Variants in ARSA observed in about 807,000 individuals in gnomAD.
ARSA encodes the protein arylsulfatase A, also known as cerebroside-sulfatase.
ARSA carries 32 observed loss-of-function variants against 37.8 expected under a neutral mutation model. That is an observed-to-expected ratio of 0.85 (90% confidence interval 0.64 to 1.14). The LOEUF (loss-of-function observed/expected upper bound fraction) is 1.14. Among genes scored for constraint, ARSA ranks in the 50% most tolerant of loss-of-function variants. ARSA has a pLI of 0.00. For synonymous variants in ARSA, 303 were observed against 303.4 expected (o/e 1.00, Z 0.01); for missense variants, 685 against 686.3 (o/e 1.00, Z 0.02).
At position 50,625,899 on chromosome 22, in the gene ARSA, G is replaced by A. The variant is rs1042800997; in HGVS notation, c.1107+37C>T. On this transcript the variant is annotated intron_variant, in intron 6 of 7. Coordinates refer to ENST00000216124, the MANE Select transcript of ARSA (RefSeq NM_000487.6). ...TCACCCCAGGGGAAGGCCAGGACAG[G>A]GGCCAAGGATCTGGGATCAGGGGTC... 5.1e-6 allele frequency: 8 copies of A among 1,563,484 alleles called. No individual in the cohort carries two copies. In the Admixed American group the frequency reaches 1.4e-4, roughly 27 times the overall value.
chr22:50,627,603 C>T lies in ARSA; in HGVS notation c.177G>A (p.Leu59=), dbSNP rs892265629. The change falls in exon 1 of 8, where the codon CTG becomes CTA. Residue 59 remains leucine, a synonymous_variant. Transcript: ENST00000216124. ...CAGGCACGTAGAAGTCTGTGAACCG[C>T]AGCCCTCCCGCCGCCAGCTGGTCCA... is the stretch of plus-strand genomic sequence containing the variant. ...PNLDQLAAGG[L]RFTDFYVPVS... 1 of 1,563,626 alleles carries T rather than the reference C, an allele frequency of 6.4e-7. No individual in the cohort carries two copies. Among genetic ancestry groups the T allele is most frequent in the African/African-American group, 1.4e-5 (1 of 73,910 alleles).
rs1215397696 is a variant in ARSA, at chr22:50,626,069, G to A, written c.980-6C>T. ...GGCCAGCTCGTGGGTCACGCCTGGG[G>A]GCAGGAGGCTGGTCAGTCACTCAGT... is the stretch of plus-strand genomic sequence containing the variant. On this transcript the variant is annotated splice_polypyrimidine_tract_variant and splice_region_variant and intron_variant, in intron 5 of 7. Coordinates refer to ENST00000216124, the MANE Select transcript of ARSA (RefSeq NM_000487.6). 1.3e-6 allele frequency: 2 copies of A among 1,597,168 alleles called. No homozygotes were observed. The highest frequency in any genetic ancestry group is 1.8e-5 in the Admixed American group (1 of 55,902).
intron 4 of ARSA, 49 bp from the exon 5 acceptor site, chr22:50,626,327 C>T (rs2082667964): frequency 6.2e-7 from 1 of 1,600,186 alleles, no homozygotes; most frequent in Non-Finnish European, 8.5e-7. Context: ...GCCTCTGAGC[C>T]ACCGAGGGTG....
chr22:50,623,427 A>T lies in ARSA; in HGVS notation c.*1718T>A, dbSNP rs1444649452. The T allele has an allele frequency of 6.6e-6, 1 of 152,236 alleles. No homozygotes were observed. The allele number at this position is 152,236 out of a possible 1,614,324, so 9.4% of individuals were successfully genotyped here. ...AATTTTGAGCAGGAATAGATGCTCA[A>T]GCCCAGCCTGATGTTTTATTTGTTT... On this transcript the variant is annotated 3_prime_UTR_variant, in exon 8 of 8. Transcript: ENST00000216124.
In ARSA at chr22:50,626,329, C is replaced by G. The variant is rs753520726; in HGVS notation, c.855-51G>C. ...CCATGGAGCCACAGCCTCTGAGCCA[C>G]CGAGGGTGACCAGTGGCCCCACACC... On this transcript the variant is annotated intron_variant, in intron 4 of 7. Transcript: ENST00000216124. The G allele has an allele frequency of 2.3e-5, 37 of 1,598,644 alleles. 1 individual carries two copies. The South Asian group carries it at 4.1e-4, about 18-fold the overall frequency.
In ARSA at chr22:50,627,811, G is replaced by T; in HGVS notation, c.-32C>A. The T allele has an allele frequency of 6.6e-7, 1 of 1,522,518 alleles. No individual in the cohort carries two copies. The highest frequency in any genetic ancestry group is 8.8e-7 in the Non-Finnish European group (1 of 1,134,826). The allele number at this position is 1,522,518 out of a possible 1,614,324, so 94.3% of individuals were successfully genotyped here. A position where few individuals can be genotyped will look rare whatever the true frequency, so the allele number is the denominator to read the frequency against. ...GAGGGGTCTGTCCCAAGAGAGGGAG[G>T]GCTACTTGGCTCCAGCAGGCTCTTT... is the stretch of plus-strand genomic sequence containing the variant. On this transcript the variant is annotated 5_prime_UTR_variant, in exon 1 of 8. Transcript: ENST00000216124.
At position 50,625,421 on chromosome 22, in the gene ARSA, G is replaced by C; in HGVS notation, c.1254C>G (p.Ala418=). The C allele has an allele frequency of 6.3e-7, 1 of 1,596,096 alleles. No homozygotes were observed. Among genetic ancestry groups the C allele is most frequent in the Non-Finnish European group, 8.6e-7 (1 of 1,168,816 alleles). Residue 418 remains alanine, a synonymous_variant, in exon 8 of 8, where the codon GCC becomes GCG. Coordinates refer to ENST00000216124, the MANE Select transcript of ARSA (RefSeq NM_000487.6). The part of the protein sequence containing the change: ...SDTTADPACH[A]SSSLTAHEPP... ...GCTCATGAGCAGTCAGAGAGCTGGA[G>C]GCGTGGCAGGCAGGGTCTGCAGTGG...
At position 50,623,931 on chromosome 22, in the gene ARSA, A is replaced by AAC; in HGVS notation, c.*1213_*1214insGT. ...AAAAAAAAAAAAAAAAAAAAAAAAA[A>AAC]AAAAAAACAAAAACAAATCTTTAGA... On this transcript the variant is annotated 3_prime_UTR_variant, in exon 8 of 8. Coordinates refer to ENST00000216124, the MANE Select transcript of ARSA (RefSeq NM_000487.6). 1 of 8,084 alleles carries AAC rather than the reference A, an allele frequency of 1.2e-4. No homozygotes were observed. The highest frequency in any genetic ancestry group is 4.0e-4 in the African/African-American group (1 of 2,478). The allele number at this position is 8,084 out of a possible 1,614,324, so 0.5% of individuals were successfully genotyped here.
Position 50,625,208 on chromosome 22 carries a change from G to T in ARSA, c.1467C>A (p.Ile489=), listed in dbSNP as rs2146715555. ...VARGEDPALQ[I]CCHPGCTPRP... ...GGGGGGTGCAGCCAGGATGACAGCA[G>T]ATCTGCAGGGCGGGGTCCTCGCCCC... is the stretch of plus-strand genomic sequence containing the variant. Residue 489 remains isoleucine (I), a synonymous_variant, in exon 8 of 8, where the codon ATC becomes ATA. Transcript: ENST00000216124. The T allele has an allele frequency of 3.7e-6, 6 of 1,606,770 alleles. No individual in the cohort carries two copies. Among genetic ancestry groups the T allele is most frequent in the Non-Finnish European group, 4.3e-6 (5 of 1,176,466 alleles).
Position 50,625,102 on chromosome 22 carries a change from C to T in ARSA, c.*43G>A. ...GACACCTGAGCCTCCCCCACAGGCT[C>T]CCAGTGAGGAGCCATCACATGCCCA... On this transcript the variant is annotated 3_prime_UTR_variant, in exon 8 of 8. Transcript: ENST00000216124. 1 of 1,484,488 alleles carries T rather than the reference C, an allele frequency of 6.7e-7. No individual in the cohort carries two copies. Among genetic ancestry groups the T allele is most frequent in the African/African-American group, 1.4e-5 (1 of 71,508 alleles). The allele number at this position is 1,484,488 out of a possible 1,614,324, so 92.0% of individuals were successfully genotyped here. A position where few individuals can be genotyped will look rare whatever the true frequency, so the allele number is the denominator to read the frequency against.
rs1249180325 is a variant in ARSA at position 50,623,482 on chromosome 22, G to A, written c.*1663C>T. Among the ~76,000 whole-genome samples the A allele has an allele frequency of 5.3e-5, 8 of 152,152 alleles. No individual in the cohort carries two copies. Among genetic ancestry groups the A allele is most frequent in the African/African-American group, 1.4e-4 (6 of 41,452 alleles). The stretch of plus-strand genomic sequence containing the variant: ...GCAGACAGGGTCTCACTCTGTCCCC[G>A]AGGCTGGAGTGCAGTGGTACAATTA... On this transcript the variant is annotated 3_prime_UTR_variant, in exon 8 of 8. Transcript: ENST00000216124.
chr22:50,627,896 A>AATACT lies in ARSA; in HGVS notation c.-118_-117insAGTAT. 9.6e-7 allele frequency: 1 copy of AATACT among 1,044,810 alleles called. No homozygotes were observed. Among genetic ancestry groups the AATACT allele is most frequent in the South Asian group, 1.6e-5 (1 of 62,036 alleles). 64.7% of individuals were successfully genotyped at this position (1,044,810 alleles called of 1,614,324 possible). Reference sequence around the variant, plus strand: ...AGACCCCGGACCCAAATACTCCCCGACCCTGACGGCCGCCTCCTGAAGCTC... The same window carrying AATACT: ...AGACCCCGGACCCAAATACTCCCCGAATACTCCCTGACGGCCGCCTCCTGAAGCTC... On this transcript the variant is annotated 5_prime_UTR_variant, in exon 1 of 8. Coordinates refer to ENST00000216124, the MANE Select transcript of ARSA (RefSeq NM_000487.6).
chr22:50,627,213 G>A lies in ARSA; in HGVS notation c.418C>T (p.His140Tyr), dbSNP rs199476358. ...VGPEGAFLPP[H>Y]QGFHRFLGIP... ...CCTAGAAATCGATGGAAGCCCTGAT[G>A]GGGGGGCAGGAAGGCCCCCTCAGGC... is the stretch of plus-strand genomic sequence containing the variant. Residue 140 changes from histidine to tyrosine, a missense_variant, in exon 2 of 8, where the codon CAT (histidine) becomes TAT (tyrosine). Transcript: ENST00000216124. 1.9e-6 allele frequency: 3 copies of A among 1,612,120 alleles called. No homozygotes were observed. Among genetic ancestry groups the A allele is most frequent in the South Asian group, 1.1e-5 (1 of 90,944 alleles).
chr22:50,624,644 T>TG lies in ARSA; in HGVS notation c.*500dup, dbSNP rs1315094642. On this transcript the variant is annotated 3_prime_UTR_variant, in exon 8 of 8. Coordinates refer to ENST00000216124, the MANE Select transcript of ARSA (RefSeq NM_000487.6). The stretch of plus-strand genomic sequence containing the variant: ...AAGAACCAAGGAGGTCCAGTGCCTG[T>TG]GTCTCTAAGAATGCTTCTTCTGGGG... Among the ~76,000 whole-genome samples the TG allele has an allele frequency of 1.3e-5, 2 of 152,174 alleles. No individual in the cohort carries two copies. The highest frequency in any genetic ancestry group is 6.5e-5 in the Admixed American group (1 of 15,276).
In ARSA at chr22:50,624,162, C is replaced by A. The variant is rs1331174971; in HGVS notation, c.*983G>T. Among the ~76,000 whole-genome samples the A allele has an allele frequency of 6.6e-6, 1 of 151,964 alleles. No homozygotes were observed. Among genetic ancestry groups the A allele is most frequent in the East Asian group, 2.0e-4 (1 of 5,114 alleles). On this transcript the variant is annotated 3_prime_UTR_variant, in exon 8 of 8. Coordinates refer to ENST00000216124, the MANE Select transcript of ARSA (RefSeq NM_000487.6). ...TCTCGGCTCACTGCAACCACCGCCT[C>A]CCAGGTTCAAGTGATTCTCCAGCCT...
At chr22:50,625,515 A>G (rs762744940) in intron 7 of ARSA, 51 bp from the exon 8 acceptor site, 20 of 1,579,612 alleles carry the variant, frequency 1.3e-5, no homozygotes, top group Admixed American at 1.0e-4. Flanking sequence ...AGGAGGGGCC[A>G]GGGATCTAGG....
chr22:50,625,746 C>T (rs2082654402), intron 6 of ARSA, 65 bp from the exon 7 acceptor site: 2 of 1,578,552 alleles, frequency 1.3e-6, no homozygotes, highest in East Asian at 2.2e-5. Flanking sequence ...CCTGGGGCTG[C>T]CAGCCCTGGT....
intron 6 of ARSA, 94 bp downstream of exon 6, chr22:50,625,842 C>G (rs1303485510): frequency 1.1e-5 from 17 of 1,545,352 alleles, no homozygotes; most frequent in Non-Finnish European, 1.5e-5. Context: ...GCAGGAGGCA[C>G]TGAGGCACAG....
At position 50,627,250 on chromosome 22, in the gene ARSA, G is replaced by A. The variant is rs1201198483; in HGVS notation, c.381C>T (p.His127=). Residue 127 remains histidine (H), a synonymous_variant, in exon 2 of 8, where the codon CAC becomes CAT. Coordinates refer to ENST00000216124, the MANE Select transcript of ARSA (RefSeq NM_000487.6). ...AGGCCCCCTCAGGCCCCACCCCAAG[G>A]TGCCACTTGCCGGCCATTCCTGTGA... ...GYLTGMAGKW[H]LGVGPEGAFL... 8 of 1,605,584 alleles carry A rather than the reference G, an allele frequency of 5.0e-6. No individual in the cohort carries two copies. Among genetic ancestry groups the A allele is most frequent in the African/African-American group, 1.3e-5 (1 of 74,884 alleles).
Sources: gnomAD v4.1 joint callset for allele counts (sites outside exome capture counted in the v4.1 genomes callset) on GRCh38, gnomAD v4.1.1 for gene constraint, MANE v1.5 for transcripts, NCBI Gene and HGNC (gene_info 2026-07-23, HGNC 2026-07-21) for gene names.